Variants in NR6A1 observed in about 807,000 individuals in gnomAD.
The protein encoded by NR6A1 is retinoic acid receptor-related testis-associated receptor.
In NR6A1, 7 loss-of-function variants were observed where a neutral mutation model predicts 59.1. That is an observed-to-expected ratio of 0.12 (90% CI 0.07 to 0.22). The LOEUF (loss-of-function observed/expected upper bound fraction) is 0.22, where lower values mean the gene tolerates loss of function less well. NR6A1 is among the 10% of genes least tolerant of loss of function. The probability of loss-of-function intolerance (pLI) is 1.00; values close to 1 mark genes in which losing one functional copy is unlikely to be tolerated. For synonymous variants in NR6A1, 243 were observed against 236.1 expected (o/e 1.03, Z -0.27); for missense variants, 468 against 611.6 (o/e 0.77, Z 2.48).
intron 2 of NR6A1, among the ~76,000 whole-genome samples, chr9:124,603,183 T>C (rs1835491949): frequency 6.6e-6 from 1 of 152,166 alleles, no homozygotes; most frequent in South Asian, 2.1e-4. Flanking sequence ...TTCTATCCTT[T>C]CTTATTAATC....
chr9:124,717,471 T>C (rs28717070), intron 2 of NR6A1, among the ~76,000 whole-genome samples: 14,231 of 152,190 alleles, frequency 0.094, 1,712 homozygotes, highest in African/African-American at 0.27. Context: ...AAAGAGCACA[T>C]ATTGTATGAC....
At chr9:124,549,159 T>G (rs1375157599) in intron 3 of NR6A1, among the ~76,000 whole-genome samples, 2 of 152,190 alleles carry the variant, frequency 1.3e-5, no homozygotes, top group South Asian at 2.1e-4. Context: ...TGGGGGATGG[T>G]GTCAGAGAAG....
At chr9:124,550,606 C>T (rs1180848439) in intron 3 of NR6A1, among the ~76,000 whole-genome samples, 2 of 152,030 alleles carry the variant, frequency 1.3e-5, no homozygotes, top group Non-Finnish European at 2.9e-5. Context: ...AATCCACCTG[C>T]TCCGGCCTCC....
At chr9:124,538,444 G>T in intron 5 of NR6A1, 125 bp from the exon 6 acceptor site, 2 of 665,734 alleles carry the variant, frequency 3.0e-6, no homozygotes. Flanking sequence ...TCAAGCCAGG[G>T]GGCATAATTA....
At chr9:124,608,151 T>A (rs1835625853) in intron 2 of NR6A1, among the ~76,000 whole-genome samples, 1 of 152,158 alleles carries the variant, frequency 6.6e-6, no homozygotes, top group Non-Finnish European at 1.5e-5. Context: ...ACTTTTTAGA[T>A]TTTATTTTTA....
At chr9:124,607,767 G>C (rs531814152) in intron 2 of NR6A1, among the ~76,000 whole-genome samples, 78 of 152,246 alleles carry the variant, frequency 5.1e-4, no homozygotes, top group African/African-American at 1.8e-3. Context: ...ATACCTGGGT[G>C]GGCACGGTGG....
chr9:124,758,028 C>T (rs1294500775), intron 1 of NR6A1, among the ~76,000 whole-genome samples: 1 of 152,226 alleles, frequency 6.6e-6, no homozygotes, highest in Non-Finnish European at 1.5e-5. Flanking sequence ...TGCACTTCTT[C>T]ACAGCAGTAC....
In NR6A1 at chr9:124,707,330, C is replaced by T. The variant is rs72763304; in HGVS notation, c.142+25978G>A. 6.6e-3 allele frequency among the ~76,000 whole-genome samples: 999 copies of T among 152,194 alleles called. 5 individuals are homozygous for T. Among genetic ancestry groups the T allele is most frequent in the Non-Finnish European group, 0.011 (749 of 68,008 alleles). On this transcript the variant is annotated intron_variant, in intron 2 of 9. Transcript: ENST00000487099. Reference sequence around the variant, plus strand: ...ACTTTTCAACTCCAGTCCAGTGCTTCCATTTTTATTTTCTTATAATTTCTC... The same window carrying T: ...ACTTTTCAACTCCAGTCCAGTGCTTTCATTTTTATTTTCTTATAATTTCTC...
chr9:124,695,828 G>A (rs563532685), intron 2 of NR6A1, among the ~76,000 whole-genome samples: 1 of 152,142 alleles, frequency 6.6e-6, no homozygotes, highest in Non-Finnish European at 1.5e-5. Context: ...TGTCTGACAC[G>A]TACTTTGAAA....
chr9:124,617,361 AT>A lies in NR6A1; in HGVS notation c.143-62792del, dbSNP rs1835926844. On this transcript the variant is annotated intron_variant, in intron 2 of 9. Transcript: ENST00000487099. Reference sequence around the variant, plus strand: ...TTTTTGTTTTGTGGTAAATATTTTCATTCTATTTTTGTCTTTTATATAGTCA... The same window carrying A: ...TTTTTGTTTTGTGGTAAATATTTTCATCTATTTTTGTCTTTTATATAGTCA... Among the ~76,000 whole-genome samples the A allele has an allele frequency of 4.6e-5, 7 of 152,272 alleles. No homozygotes were observed. The South Asian group carries it at 1.5e-3, about 32-fold the overall frequency.
chr9:124,568,476 C>T (rs1041000760), intron 2 of NR6A1, among the ~76,000 whole-genome samples: 2 of 149,266 alleles, frequency 1.3e-5, no homozygotes, highest in Non-Finnish European at 3.0e-5. Context: ...CAGCAAGACT[C>T]TGTCTCAAAA....
At chr9:124,739,967 G>A (rs1348797859) in intron 1 of NR6A1, among the ~76,000 whole-genome samples, 1 of 152,150 alleles carries the variant, frequency 6.6e-6, no homozygotes, top group Non-Finnish European at 1.5e-5. Flanking sequence ...GTAAGATTAA[G>A]GCCCTTAAAA....
chr9:124,720,057 G>GT (rs1354440181), intron 2 of NR6A1, among the ~76,000 whole-genome samples: 1 of 151,788 alleles, frequency 6.6e-6, no homozygotes, highest in African/African-American at 2.4e-5. Context: ...ACGTTTTTGG[G>GT]TTTTTTTGAA....
chr9:124,625,645 T>A (rs1459005417), intron 2 of NR6A1, among the ~76,000 whole-genome samples: 1 of 152,232 alleles, frequency 6.6e-6, no homozygotes, highest in African/African-American at 2.4e-5. Context: ...GTGATAGTTA[T>A]TTTTATGCCA....
intron 2 of NR6A1, among the ~76,000 whole-genome samples, chr9:124,644,310 T>C (rs1049524727): frequency 7.0e-6 from 1 of 142,182 alleles, no homozygotes; most frequent in African/African-American, 2.7e-5. Flanking sequence ...TTTCGCTCTA[T>C]TGCCATGCTG....
chr9:124,725,735 T>G (rs1330744096), intron 2 of NR6A1, among the ~76,000 whole-genome samples: 1 of 152,176 alleles, frequency 6.6e-6, no homozygotes, highest in Non-Finnish European at 1.5e-5. Flanking sequence ...CCCAGGAGTT[T>G]GAGACCAGCC....
chr9:124,648,810 A>G (rs925507079), intron 2 of NR6A1, among the ~76,000 whole-genome samples: 1 of 152,154 alleles, frequency 6.6e-6, no homozygotes, highest in African/African-American at 2.4e-5. Context: ...CCAACAGCAA[A>G]CAATAAGAAA....
At chr9:124,740,010 T>C (rs182896545) in intron 1 of NR6A1, among the ~76,000 whole-genome samples, 3 of 152,344 alleles carry the variant, frequency 2.0e-5, no homozygotes, top group Admixed American at 2.0e-4. Context: ...CAACTATCTC[T>C]TTCTACAAAA....
intron 2 of NR6A1, among the ~76,000 whole-genome samples, chr9:124,597,188 A>G (rs965200159): frequency 6.6e-6 from 1 of 152,208 alleles, no homozygotes; most frequent in African/African-American, 2.4e-5. Context: ...GATTTAGACG[A>G]GGAAAAAGGC....
Sources: gnomAD v4.1 joint callset for allele counts (sites outside exome capture counted in the v4.1 genomes callset) on GRCh38, gnomAD v4.1.1 for gene constraint, MANE v1.5 for transcripts, NCBI Gene and HGNC (gene_info 2026-07-23, HGNC 2026-07-21) for gene names.